CDH18: variants seen among roughly 807,000 people sequenced by gnomAD.
CDH18 encodes the protein cadherin-18.
A neutral mutation model predicts 67.9 loss-of-function variants in CDH18; 31 were observed. That is an observed-to-expected ratio of 0.46 (90% CI 0.34 to 0.62). The LOEUF is 0.62. CDH18 is among the 20% of genes least tolerant of loss of function. The pLI, the probability that CDH18 is intolerant of heterozygous loss-of-function variation, is 0.01. For synonymous variants in CDH18, 362 were observed against 347.2 expected, an observed-to-expected ratio of 1.04 and a Z score of -0.48; for missense variants, 890 against 975.5, an observed-to-expected ratio of 0.91 and a Z score of 1.17.
At chr5:20,516,734 A>ATGACTATGG (rs1561085689) in intron 1 of CDH18, among the ~76,000 whole-genome samples, 4 of 151,672 alleles carry the variant, frequency 2.6e-5, no homozygotes, top group African/African-American at 9.7e-5. Context: ...TAAGACTATG[A>ATGACTATGG]TTTGTATGAC....
intron 8 of CDH18, among the ~76,000 whole-genome samples, chr5:19,552,305 G>A (rs146013150): frequency 7.0e-4 from 106 of 152,072 alleles, no homozygotes; most frequent in African/African-American, 2.3e-3. Context: ...ATAAATTTGC[G>A]CCTCACCCAA....
chr5:19,531,158 G>T (rs1249188640), intron 9 of CDH18, among the ~76,000 whole-genome samples: 2 of 151,954 alleles, frequency 1.3e-5, no homozygotes, highest in Non-Finnish European at 2.9e-5. Context: ...TAAATACAGC[G>T]TTCATTAAGA....
intron 1 of CDH18, among the ~76,000 whole-genome samples, chr5:20,569,069 T>C (rs570975129): frequency 2.0e-4 from 31 of 152,354 alleles, no homozygotes; most frequent in Non-Finnish European, 3.8e-4. Context: ...CCACCTATTA[T>C]ACTATAACTG....
At chr5:20,017,944 T>A (rs1738024069) in intron 2 of CDH18, among the ~76,000 whole-genome samples, 1 of 152,144 alleles carries the variant, frequency 6.6e-6, no homozygotes, top group African/African-American at 2.4e-5. Flanking sequence ...ATATTCTCAA[T>A]AAAATATTGA....
At chr5:19,616,915 A>C (rs554602656) in intron 5 of CDH18, among the ~76,000 whole-genome samples, 1 of 152,180 alleles carries the variant, frequency 6.6e-6, no homozygotes, top group South Asian at 2.1e-4. Context: ...TGAGAGGAGG[A>C]TGGGGAATCT....
rs188704521 is a variant in CDH18 at position 20,092,707 on chromosome 5, T to C, written c.-517-100693A>G. ...TTATAATATATGCTTATCATTTGCT[T>C]GCCATAGTTCAGCAGATAAAGTATA... On this transcript the variant is annotated intron_variant, in intron 2 of 14. Coordinates refer to the CDH18 transcript ENST00000507958. 7.0e-4 allele frequency among the ~76,000 whole-genome samples: 106 copies of C among 152,280 alleles called. 3 individuals carry two copies. In the East Asian group the frequency reaches 0.017, roughly 24 times the overall value.
intron 3 of CDH18, among the ~76,000 whole-genome samples, chr5:19,777,367 A>G (rs922277964): frequency 3.9e-5 from 6 of 152,198 alleles, no homozygotes; most frequent in African/African-American, 1.4e-4. Context: ...TCTCTCCTCA[A>G]TGCATGTTAA....
chr5:19,613,020 C>T (rs1022165098), intron 5 of CDH18, among the ~76,000 whole-genome samples: 6 of 152,040 alleles, frequency 3.9e-5, no homozygotes, highest in African/African-American at 1.4e-4. Flanking sequence ...GTGGCGCATG[C>T]CTGTAATCCC....
intron 8 of CDH18, among the ~76,000 whole-genome samples, chr5:19,552,844 C>T (rs1253615839): frequency 1.3e-5 from 2 of 152,134 alleles, no homozygotes. Flanking sequence ...GCCAAGTTCC[C>T]AATATAACTT....
At chr5:20,512,908 C>G (rs2126491310) in intron 1 of CDH18, among the ~76,000 whole-genome samples, 1 of 150,890 alleles carries the variant, frequency 6.6e-6, no homozygotes, top group East Asian at 2.0e-4. Flanking sequence ...AAAATCGACT[C>G]AGCTCTGATG....
At chr5:20,190,250 T>A (rs937107968) in intron 2 of CDH18, among the ~76,000 whole-genome samples, 11 of 152,146 alleles carry the variant, frequency 7.2e-5, no homozygotes. Flanking sequence ...AGATTCTGAT[T>A]ACTCTACTAT....
chr5:20,166,408 C>T (rs2126631171), intron 2 of CDH18, among the ~76,000 whole-genome samples: 1 of 144,342 alleles, frequency 6.9e-6, no homozygotes, highest in African/African-American at 2.6e-5. Context: ...CCTTTGCACT[C>T]CAGCCTGGGC....
intron 1 of CDH18, among the ~76,000 whole-genome samples, chr5:20,554,147 C>T (rs1050607340): frequency 6.6e-6 from 1 of 152,120 alleles, no homozygotes; most frequent in African/African-American, 2.4e-5. Flanking sequence ...TGCTAGATAT[C>T]TAGTCAGTAT....
chr5:19,892,450 A>G (rs1005507523), intron 2 of CDH18, among the ~76,000 whole-genome samples: 4 of 152,098 alleles, frequency 2.6e-5, no homozygotes, highest in African/African-American at 9.7e-5. Flanking sequence ...CATAATCATC[A>G]ATTATATTGT....
chr5:19,613,844 A>G (rs536426162), intron 5 of CDH18, among the ~76,000 whole-genome samples: 1 of 152,282 alleles, frequency 6.6e-6, no homozygotes, highest in Non-Finnish European at 1.5e-5. Context: ...CTATGTGTAT[A>G]TATGTATTTA....
chr5:19,549,376 C>T (rs1736935004), intron 8 of CDH18, among the ~76,000 whole-genome samples: 1 of 152,290 alleles, frequency 6.6e-6, no homozygotes, highest in Middle Eastern at 3.4e-3. Flanking sequence ...AGGCCAGAAG[C>T]AGATGCTGGC....
At chr5:19,606,674 GAC>G (rs1421670467) in intron 6 of CDH18, among the ~76,000 whole-genome samples, 2 of 151,774 alleles carry the variant, frequency 1.3e-5, no homozygotes, top group African/African-American at 4.8e-5. Context: ...ATACAGCAAA[GAC>G]AGTAATAGAT....
At chr5:20,258,903 C>T (rs11748150) in intron 1 of CDH18, among the ~76,000 whole-genome samples, 42,738 of 151,862 alleles carry the variant, frequency 0.28, 7,044 homozygotes, top group Non-Finnish European at 0.36. Flanking sequence ...AGGTCAAACC[C>T]TAGTTAAAAC....
intron 5 of CDH18, among the ~76,000 whole-genome samples, chr5:19,629,741 A>T (rs1561502475): frequency 6.6e-6 from 1 of 152,170 alleles, no homozygotes; most frequent in Non-Finnish European, 1.5e-5. Flanking sequence ...GGTATACTTC[A>T]AATTTAATCA....
Sources: allele counts gnomAD v4.1 joint callset (sites outside exome capture counted in the v4.1 genomes callset), GRCh38; gene constraint gnomAD v4.1.1; transcripts MANE v1.5; gene names NCBI Gene and HGNC (gene_info 2026-07-23, HGNC 2026-07-21).